The following DLGAP1 variants were observed in gnomAD, a reference collection of about 807,000 sequenced individuals.
The protein encoded by DLGAP1 is DLG associated protein 1, also known as disks large-associated protein 1.
In DLGAP1, 11 loss-of-function variants were observed where a neutral mutation model predicts 90.8. The ratio of observed to expected loss-of-function variants is 0.12; its 90% CI spans 0.08 to 0.20. The LOEUF (loss-of-function observed/expected upper bound fraction) is 0.20. DLGAP1 is among the 10% of genes least tolerant of loss of function. DLGAP1 has a pLI of 1.00. For missense variants in DLGAP1, 1,050 were observed against 1,333.8 expected, an observed-to-expected ratio of 0.79 and a Z score of 3.31; for synonymous variants, 558 against 540.7, an observed-to-expected ratio of 1.03 and a Z score of -0.44.
At chr18:3,553,191 A>G (rs539963264) in intron 9 of DLGAP1, among the ~76,000 whole-genome samples, 6 of 152,316 alleles carry the variant, frequency 3.9e-5, no homozygotes, top group African/African-American at 1.4e-4. Context: ...TTGTGCATTC[A>G]TTAAAAGAGG....
chr18:4,042,600 A>G lies in DLGAP1; in HGVS notation c.-158-37399T>C, dbSNP rs1188328105. 2.0e-5 allele frequency among the ~76,000 whole-genome samples: 3 copies of G among 152,266 alleles called. No homozygotes were observed. The East Asian group carries it at 5.8e-4, about 29-fold the overall frequency. On this transcript the variant is annotated intron_variant, in intron 2 of 12. Transcript: ENST00000315677. ...TAAAAATACAAAAAATTAGCTGGTC[A>G]GGGGTGGCGTGCGCCTGTAGTCCTA...
chr18:3,932,825 C>T (rs946121579), intron 3 of DLGAP1, among the ~76,000 whole-genome samples: 4 of 152,040 alleles, frequency 2.6e-5, no homozygotes, highest in Admixed American at 1.3e-4. Context: ...AAAAAAAATT[C>T]AAGAAAGAAA....
At chr18:3,906,182 A>T (rs1407661777) in intron 3 of DLGAP1, among the ~76,000 whole-genome samples, 1 of 152,226 alleles carries the variant, frequency 6.6e-6, no homozygotes, top group Non-Finnish European at 1.5e-5. Context: ...AAAAGAACTG[A>T]ACTACATCTC....
chr18:4,080,116 A>AT (rs1243531141), intron 2 of DLGAP1, among the ~76,000 whole-genome samples: 4 of 152,120 alleles, frequency 2.6e-5, no homozygotes, highest in Non-Finnish European at 4.4e-5. Flanking sequence ...TTTACCAAGA[A>AT]TATGAAGTGA....
intron 5 of DLGAP1, among the ~76,000 whole-genome samples, chr18:3,762,047 C>T (rs1400701685): frequency 6.6e-6 from 1 of 152,176 alleles, no homozygotes; most frequent in African/African-American, 2.4e-5. Flanking sequence ...CACTTTGTTG[C>T]TAATTCAGTG....
chr18:3,552,371 TC>T (rs1330201904), intron 9 of DLGAP1, among the ~76,000 whole-genome samples: 1 of 152,176 alleles, frequency 6.6e-6, no homozygotes, highest in Non-Finnish European at 1.5e-5. Flanking sequence ...AGCTTAGAAG[TC>T]TATGCTTTTG....
At chr18:3,859,122 G>C (rs1384220505) in intron 4 of DLGAP1, among the ~76,000 whole-genome samples, 1 of 152,162 alleles carries the variant, frequency 6.6e-6, no homozygotes, top group African/African-American at 2.4e-5. Flanking sequence ...CCATCTACAA[G>C]TGCTCTGATT....
intron 3 of DLGAP1, among the ~76,000 whole-genome samples, chr18:3,974,213 C>T (rs4797129): frequency 0.39 from 59,821 of 151,622 alleles, 11,985 homozygotes; most frequent in Non-Finnish European, 0.42. Context: ...TAGCTGGGAT[C>T]ACAGGTGCCC....
At chr18:4,041,477 T>C (rs911661582) in intron 2 of DLGAP1, among the ~76,000 whole-genome samples, 4 of 152,210 alleles carry the variant, frequency 2.6e-5, no homozygotes, top group Non-Finnish European at 5.9e-5. Flanking sequence ...AGGTAATGTT[T>C]CATGTTTGAG....
intron 4 of DLGAP1, among the ~76,000 whole-genome samples, chr18:3,846,038 AGT>A (rs1273158025): frequency 2.7e-5 from 3 of 111,866 alleles, no homozygotes; most frequent in South Asian, 3.3e-4. Context: ...TCTTATTGAA[AGT>A]GTGGTGTGTG....
intron 1 of DLGAP1, among the ~76,000 whole-genome samples, chr18:4,223,418 T>A (rs764339411): frequency 6.6e-6 from 1 of 152,202 alleles, no homozygotes; most frequent in African/African-American, 2.4e-5. Flanking sequence ...TCTACAATTA[T>A]GTACCAAAAT....
chr18:3,710,488 G>A (rs2061565395), intron 7 of DLGAP1, among the ~76,000 whole-genome samples: 1 of 152,226 alleles, frequency 6.6e-6, no homozygotes, highest in African/African-American at 2.4e-5. Context: ...TCTCCCCACT[G>A]TTCCCAGAAA....
At chr18:4,121,843 A>C (rs1477552082) in intron 2 of DLGAP1, among the ~76,000 whole-genome samples, 1 of 152,206 alleles carries the variant, frequency 6.6e-6, no homozygotes, top group Non-Finnish European at 1.5e-5. Context: ...AATGATGACC[A>C]ACATTTACTG....
At chr18:3,612,195 A>G (rs565714852) in intron 7 of DLGAP1, among the ~76,000 whole-genome samples, 1 of 152,362 alleles carries the variant, frequency 6.6e-6, no homozygotes, top group Admixed American at 6.5e-5. Flanking sequence ...ATCTCAAAAT[A>G]TTAAAAATAA....
intron 1 of DLGAP1, among the ~76,000 whole-genome samples, chr18:4,393,984 C>T (rs1357120309): frequency 2.0e-5 from 3 of 152,192 alleles, no homozygotes; most frequent in East Asian, 1.9e-4. Context: ...TCCTGCTGTG[C>T]GGCCAGGTTC....
chr18:4,083,949 C>T (rs978653482), intron 2 of DLGAP1, among the ~76,000 whole-genome samples: 12 of 152,100 alleles, frequency 7.9e-5, no homozygotes, highest in African/African-American at 2.9e-4. Context: ...TCCCGGGGTT[C>T]TTGCCTTAGT....
intron 7 of DLGAP1, among the ~76,000 whole-genome samples, chr18:3,632,199 T>A (rs1438273028): frequency 1.3e-5 from 2 of 152,238 alleles, no homozygotes; most frequent in Non-Finnish European, 2.9e-5. Context: ...TCATTTTTCT[T>A]CTACATAAAA....
chr18:3,719,919 A>G (rs1407705285), intron 7 of DLGAP1, among the ~76,000 whole-genome samples: 2 of 152,232 alleles, frequency 1.3e-5, no homozygotes, highest in African/African-American at 2.4e-5. Flanking sequence ...TATGGGACAA[A>G]TATGTAATGG....
In DLGAP1 at chr18:4,139,580, G is replaced by A. The variant is rs183466829; in HGVS notation, c.-159+11600C>T. Among the ~76,000 whole-genome samples the A allele has an allele frequency of 5.9e-3, 890 of 152,046 alleles. 8 individuals carry two copies. The highest frequency in any genetic ancestry group is 6.9e-3 in the Non-Finnish European group (467 of 67,832). ...TGATCCATGTGCTGAGGAGGAGAAT[G>A]TTTATTCTGCCAGCCATTGGATGAA... is the stretch of plus-strand genomic sequence containing the variant. On this transcript the variant is annotated intron_variant, in intron 2 of 12. Transcript: ENST00000315677.
Sources: gnomAD v4.1 joint callset for allele counts (sites outside exome capture counted in the v4.1 genomes callset) on GRCh38, gnomAD v4.1.1 for gene constraint, MANE v1.5 for transcripts, NCBI Gene and HGNC (gene_info 2026-07-23, HGNC 2026-07-21) for gene names.